Variants in ABCB7 observed in about 807,000 individuals in gnomAD.
ABCB7 encodes the protein ATP binding cassette subfamily B member 7.
ABCB7 carries 7 observed loss-of-function variants against 54.4 expected under a neutral mutation model. The observed-to-expected ratio is 0.13, with a 90% confidence interval of 0.07 to 0.24. ABCB7 has a LOEUF of 0.24. Among genes scored for constraint, ABCB7 ranks in the 10% least tolerant of loss-of-function variants. ABCB7 has a pLI of 1.00. For missense variants in ABCB7, 356 were observed against 570.4 expected (o/e 0.62, Z 3.83); for synonymous variants, 218 against 207.1 (o/e 1.05, Z -0.45).
At chrX:75,099,112 A>G (rs1198842571) in intron 3 of ABCB7, 51 bp from the exon 4 acceptor site, 9 of 1,147,899 alleles carry the variant, frequency 7.8e-6, no homozygotes, top group Admixed American at 2.2e-5. Flanking sequence ...TTTCAAACAT[A>G]ACCATAATTC....
chrX:75,141,733 A>AT (rs1282930859), intron 1 of ABCB7, among the ~76,000 whole-genome samples: 10 of 110,967 alleles, frequency 9.0e-5, no homozygotes, highest in Non-Finnish European at 7.6e-5. Context: ...AGAGGGTGAA[A>AT]TTTTTTTTAA....
chrX:75,081,081 G>A (rs2081451614), intron 4 of ABCB7, among the ~76,000 whole-genome samples: 1 of 111,830 alleles, frequency 8.9e-6, no homozygotes, highest in Admixed American at 9.5e-5. Flanking sequence ...CTGAAGTGGT[G>A]ACACAGGAGG....
intron 3 of ABCB7, among the ~76,000 whole-genome samples, chrX:75,106,294 C>T (rs146861844): frequency 0.043 from 4,732 of 111,093 alleles, 95 homozygotes; most frequent in African/African-American, 0.072. Flanking sequence ...AAGAAGCGAG[C>T]TAAAGACATG....
chrX:75,068,966 A>T, intron 12 of ABCB7, 41 bp downstream of exon 12: 5 of 1,192,338 alleles, frequency 4.2e-6, no homozygotes, highest in Non-Finnish European at 5.7e-6. Flanking sequence ...GATCAACCCA[A>T]TAAATCCTCC....
At chrX:75,141,971 G>T (rs752808856) in intron 1 of ABCB7, among the ~76,000 whole-genome samples, 1 of 111,659 alleles carries the variant, frequency 9.0e-6, no homozygotes, top group African/African-American at 3.2e-5. Context: ...TTAATGTAAT[G>T]GATTTTAACT....
chrX:75,122,776 T>C (rs769805648), intron 1 of ABCB7, among the ~76,000 whole-genome samples: 3 of 111,136 alleles, frequency 2.7e-5, no homozygotes, highest in South Asian at 7.8e-4. Flanking sequence ...ATTAGTGATG[T>C]TGACCACCTT....
intron 13 of ABCB7, among the ~76,000 whole-genome samples, chrX:75,064,482 AG>A (rs909425885): frequency 9.0e-6 from 1 of 111,635 alleles, no homozygotes; most frequent in African/African-American, 3.3e-5. Flanking sequence ...CAGTCATTTT[AG>A]GGTAATTCAT....
chrX:75,075,789 C>T (rs1379616153), intron 5 of ABCB7, among the ~76,000 whole-genome samples, 159 bp from the exon 6 acceptor site: 1 of 111,791 alleles, frequency 8.9e-6, no homozygotes, highest in African/African-American at 3.3e-5. Flanking sequence ...AATAATCTAG[C>T]CTAATGAGTA....
At position 75,052,817 on chromosome X, in the gene ABCB7, A is replaced by AAAAAG. The variant is rs547133093; in HGVS notation, c.*548_*552dup. On this transcript the variant is annotated 3_prime_UTR_variant, in exon 16 of 16. Coordinates refer to ENST00000373394, the MANE Select transcript of ABCB7 (RefSeq NM_001271696.3). ...ACAAAAAACAAAAAACAACAAAACA[A>AAAAAG]AAAAGAAAAAAGTAAGTAACCTATC... The AAAAAG allele has an allele frequency of 0.27, 29,592 of 109,043 alleles. 6,144 individuals carry two copies. The highest frequency in any genetic ancestry group is 0.9 in the East Asian group (3,016 of 3,349). The allele number at this position is 109,043 out of a possible 1,213,427, so 9.0% of individuals were successfully genotyped here. A position where few individuals can be genotyped will look rare whatever the true frequency, so the allele number is the denominator to read the frequency against.
At chrX:75,114,659 A>T (rs766556316) in intron 2 of ABCB7, 95 bp downstream of exon 2, 1 of 715,238 alleles carries the variant, frequency 1.4e-6, no homozygotes, top group African/African-American at 2.2e-5. Context: ...AAAACACAAA[A>T]AGGGAGATGT....
chrX:75,139,783 T>C (rs2082040699), intron 1 of ABCB7, among the ~76,000 whole-genome samples: 1 of 112,075 alleles, frequency 8.9e-6, no homozygotes, highest in Admixed American at 9.5e-5. Flanking sequence ...AGATGTTATC[T>C]AGGCAGATTT....
intron 1 of ABCB7, among the ~76,000 whole-genome samples, chrX:75,120,603 AAAATAAAT>A (rs569345456): frequency 9.2e-6 from 1 of 108,928 alleles, no homozygotes; most frequent in African/African-American, 3.4e-5. Context: ...CTTCATCTCA[AAAATAAAT>A]AAATAAATAA....
chrX:75,137,667 G>A (rs987438803), intron 1 of ABCB7, among the ~76,000 whole-genome samples: 1 of 112,067 alleles, frequency 8.9e-6, no homozygotes, highest in African/African-American at 3.2e-5. Flanking sequence ...AAGAAAATGT[G>A]GTACATACAC....
At chrX:75,133,593 T>C (rs772795108) in intron 1 of ABCB7, among the ~76,000 whole-genome samples, 2 of 111,516 alleles carry the variant, frequency 1.8e-5, no homozygotes, top group East Asian at 5.6e-4. Flanking sequence ...ATGGGGCAGG[T>C]CATCTACAAA....
At chrX:75,112,521 TA>T (rs2081769611) in intron 3 of ABCB7, among the ~76,000 whole-genome samples, 1 of 111,705 alleles carries the variant, frequency 9.0e-6, no homozygotes, top group South Asian at 3.8e-4. Flanking sequence ...TCTCTAAGTG[TA>T]TAGAAGGGGA....
At position 75,112,912 on chromosome X, in the gene ABCB7, C is replaced by G. The variant is rs369609916; in HGVS notation, c.307G>C (p.Gly103Arg). The G allele has an allele frequency of 8.3e-7, 1 of 1,210,375 alleles. No individual in the cohort carries two copies. Among genetic ancestry groups the G allele is most frequent in the Non-Finnish European group, 1.1e-6 (1 of 894,849 alleles). Residue 103 changes from glycine to arginine, a missense_variant, in exon 3 of 16, where the codon GGA becomes CGA. By Grantham distance (125) the Gly-to-Arg change is moderately radical. Transcript: ENST00000373394. ...RTCWHGHAGG[G>R]LHTDPKEGLK... Reference sequence around the variant, plus strand: ...CCTTCTTTTGGGTCTGTGTGGAGTCCTCCTCCTGCATGACCATGCCAACAT... The same window carrying G: ...CCTTCTTTTGGGTCTGTGTGGAGTCGTCCTCCTGCATGACCATGCCAACAT...
chrX:75,155,630 A>G (rs1484753446), intron 1 of ABCB7, among the ~76,000 whole-genome samples: 4 of 111,717 alleles, frequency 3.6e-5, no homozygotes, highest in African/African-American at 1.3e-4. Context: ...CACGCCTGTC[A>G]GCAAGGGAGT....
At chrX:75,148,351 T>G (rs748692895) in intron 1 of ABCB7, among the ~76,000 whole-genome samples, 3 of 110,454 alleles carry the variant, frequency 2.7e-5, no homozygotes, top group South Asian at 3.9e-4. Context: ...ATTAAATTTT[T>G]TTTGTTTGTT....
chrX:75,118,133 A>C (rs1300097186), intron 1 of ABCB7, among the ~76,000 whole-genome samples: 1 of 112,097 alleles, frequency 8.9e-6, no homozygotes, highest in Non-Finnish European at 1.9e-5. Context: ...TGTTCAAGAC[A>C]GCCCAGCAAA....
Sources: gnomAD v4.1 joint callset for allele counts (sites outside exome capture counted in the v4.1 genomes callset) on GRCh38, gnomAD v4.1.1 for gene constraint, MANE v1.5 for transcripts, NCBI Gene and HGNC (gene_info 2026-07-23, HGNC 2026-07-21) for gene names.